Variants in BRAF observed in about 807,000 individuals in gnomAD.
BRAF encodes the protein serine/threonine-protein kinase B-raf.
A neutral mutation model predicts 104.6 loss-of-function variants in BRAF; 16 were observed. The ratio of observed to expected loss-of-function variants is 0.15; its 90% CI spans 0.10 to 0.23. The LOEUF is 0.23. Among genes scored for constraint, BRAF ranks in the 10% least tolerant of loss-of-function variants. BRAF has a pLI of 1.00. For synonymous variants in BRAF, 310 were observed against 341.6 expected, an observed-to-expected ratio of 0.91 and a Z score of 1.02; for missense variants, 541 against 937.3, an observed-to-expected ratio of 0.58 and a Z score of 5.52.
chr7:140,726,149 T>C lies in BRAF; in HGVS notation c.*345A>G. On this transcript the variant is annotated 3_prime_UTR_variant, in exon 20 of 20. Coordinates refer to ENST00000644969, the MANE Select transcript of BRAF (RefSeq NM_001374258.1). ...AGAAGGGCAAAGTTGACTGGCAGAC[T>C]TTCCATAGCAAATCTCCCAAGCTGT... is the stretch of plus-strand genomic sequence containing the variant. 1 of 1,127,100 alleles carries C rather than the reference T, an allele frequency of 8.9e-7. No individual in the cohort carries two copies. The allele number at this position is 1,127,100 out of a possible 1,614,324, so 69.8% of individuals were successfully genotyped here. A position where few individuals can be genotyped will look rare whatever the true frequency, so the allele number is the denominator to read the frequency against.
chr7:140,766,120 A>C (rs1207865008), intron 14 of BRAF, among the ~76,000 whole-genome samples: 3 of 152,224 alleles, frequency 2.0e-5, no homozygotes, highest in Non-Finnish European at 2.9e-5. Context: ...ATAAAAAATG[A>C]TGAGTTCATG....
chr7:140,721,486 A>G lies in BRAF; in HGVS notation c.*5008T>C. 2 of 1,288,896 alleles carry G rather than the reference A, an allele frequency of 1.6e-6. No homozygotes were observed. Among genetic ancestry groups the G allele is most frequent in the Middle Eastern group, 2.0e-4 (1 of 5,018 alleles). 79.8% of individuals were successfully genotyped at this position (1,288,896 alleles called of 1,614,324 possible). ...GAAAATAGGTTATTTGAAAACAACA[A>G]AACAGAGCTTACTGTCTAGTGTACT... On this transcript the variant is annotated 3_prime_UTR_variant, in exon 20 of 20. Transcript: ENST00000644969.
chr7:140,780,764 T>C (rs1800793450), intron 12 of BRAF: 2 of 152,198 alleles, frequency 1.3e-5, no homozygotes, highest in African/African-American at 2.4e-5. Flanking sequence ...CACTTTTCAT[T>C]GATATTAAAC....
At chr7:140,888,556 C>A (rs898857768) in intron 1 of BRAF, among the ~76,000 whole-genome samples, 3 of 152,030 alleles carry the variant, frequency 2.0e-5, no homozygotes, top group South Asian at 4.1e-4. Context: ...AATGATCTAG[C>A]GCGGGTGCAG....
At chr7:140,871,095 G>A (rs912054926) in intron 1 of BRAF, among the ~76,000 whole-genome samples, 3 of 150,898 alleles carry the variant, frequency 2.0e-5, no homozygotes, top group Non-Finnish European at 4.4e-5. Context: ...AAAAAAAATT[G>A]GCTGGGCATG....
chr7:140,776,238 A>G (rs1267380732), intron 14 of BRAF, among the ~76,000 whole-genome samples: 3 of 152,230 alleles, frequency 2.0e-5, no homozygotes, highest in African/African-American at 4.8e-5. Flanking sequence ...TAAACTTCTC[A>G]CAGAGCTTTC....
chr7:140,879,955 C>T (rs1288849623), intron 1 of BRAF, among the ~76,000 whole-genome samples: 1 of 152,108 alleles, frequency 6.6e-6, no homozygotes, highest in African/African-American at 2.4e-5. Flanking sequence ...TGGTCTTGAT[C>T]TCCTGACCTC....
At chr7:140,809,578 T>C (rs1367799309) in intron 3 of BRAF, among the ~76,000 whole-genome samples, 1 of 152,236 alleles carries the variant, frequency 6.6e-6, no homozygotes, top group Non-Finnish European at 1.5e-5. Flanking sequence ...TCACTACAGA[T>C]GACAGAAGCT....
chr7:140,881,462 C>A (rs563176325), intron 1 of BRAF, among the ~76,000 whole-genome samples: 1 of 152,182 alleles, frequency 6.6e-6, no homozygotes, highest in African/African-American at 2.4e-5. Context: ...ACTATGATGG[C>A]CAGGCTGGTC....
At chr7:140,877,732 T>G (rs569731237) in intron 1 of BRAF, among the ~76,000 whole-genome samples, 21 of 152,102 alleles carry the variant, frequency 1.4e-4, no homozygotes, top group Middle Eastern at 6.8e-3. Context: ...AAACTCTACA[T>G]AAATTCAAAA....
intron 3 of BRAF, among the ~76,000 whole-genome samples, chr7:140,818,993 T>A (rs1003212354): frequency 7.9e-5 from 12 of 152,234 alleles, no homozygotes; most frequent in Non-Finnish European, 7.4e-5. Context: ...ATTTCCCTTT[T>A]GTGTCTCTAG....
chr7:140,729,131 A>C (rs1795786742), intron 19 of BRAF, among the ~76,000 whole-genome samples: 1 of 150,434 alleles, frequency 6.6e-6, no homozygotes, highest in African/African-American at 2.4e-5. Context: ...TACCTAGAGG[A>C]GGCTGAAGTG....
chr7:140,744,556 A>T (rs938017620), intron 17 of BRAF, among the ~76,000 whole-genome samples: 2 of 152,176 alleles, frequency 1.3e-5, no homozygotes, highest in East Asian at 3.9e-4. Flanking sequence ...GGTCTTGGGG[A>T]CTACTAAACT....
At chr7:140,836,250 T>C (rs1176296935) in intron 2 of BRAF, 1 of 152,170 alleles carries the variant, frequency 6.6e-6, no homozygotes, top group Non-Finnish European at 1.5e-5. Flanking sequence ...GCAGCATCCC[T>C]GTTTTCTTAA....
At chr7:140,826,414 C>A (rs1159268303) in intron 3 of BRAF, among the ~76,000 whole-genome samples, 2 of 152,096 alleles carry the variant, frequency 1.3e-5, no homozygotes, top group East Asian at 1.9e-4. Flanking sequence ...CAATTAACAT[C>A]GAAATTTTCT....
chr7:140,796,971 A>C (rs2129040498), intron 7 of BRAF, among the ~76,000 whole-genome samples: 1 of 152,246 alleles, frequency 6.6e-6, no homozygotes, highest in Admixed American at 6.5e-5. Context: ...GTTAATACAA[A>C]CCAGTATAAC....
chr7:140,906,067 A>G (rs1359660094), intron 1 of BRAF, among the ~76,000 whole-genome samples: 17 of 133,982 alleles, frequency 1.3e-4, no homozygotes, highest in East Asian at 4.3e-4. Context: ...CAGCCTGGGC[A>G]ACAGAGCGAG....
chr7:140,722,839 G>T lies in BRAF; in HGVS notation c.*3655C>A, dbSNP rs532443689. ...TTTCATGCAATTGACTCAAGGTTAA[G>T]ATTCTGAAACGTACCCCTAAACCGG... On this transcript the variant is annotated 3_prime_UTR_variant, in exon 20 of 20. Transcript: ENST00000644969. 6.6e-6 allele frequency: 7 copies of T among 1,053,388 alleles called. No individual in the cohort carries two copies. The African/African-American group carries it at 9.9e-5, about 15-fold the overall frequency. The allele number at this position is 1,053,388 out of a possible 1,614,324, so 65.3% of individuals were successfully genotyped here. A position where few individuals can be genotyped will look rare whatever the true frequency, so the allele number is the denominator to read the frequency against.
chr7:140,829,676 G>A (rs1033004299), intron 3 of BRAF, among the ~76,000 whole-genome samples: 6 of 152,194 alleles, frequency 3.9e-5, no homozygotes, highest in African/African-American at 1.4e-4. Flanking sequence ...GTTTGCCAAT[G>A]AGAAAACGAT....
Sources: allele counts gnomAD v4.1 joint callset (sites outside exome capture counted in the v4.1 genomes callset), GRCh38; gene constraint gnomAD v4.1.1; transcripts MANE v1.5; gene names NCBI Gene and HGNC (gene_info 2026-07-23, HGNC 2026-07-21).